Variants in MTA3 observed in about 807,000 individuals in gnomAD.
The protein encoded by MTA3 is metastasis associated 1 family member 3.
MTA3 carries 34 observed loss-of-function variants against 83.5 expected under a neutral mutation model. That is an observed-to-expected ratio of 0.41 (90% CI 0.31 to 0.54). The LOEUF is 0.54. Ranked by LOEUF, MTA3 falls within the 20% of genes least tolerant of loss-of-function variation. MTA3 has a pLI of 0.33. For missense variants in MTA3, 761 were observed against 726.4 expected (o/e 1.05, Z -0.55); for synonymous variants, 303 against 252.7 (o/e 1.20, Z -1.89).
chr2:42,631,232 C>G lies in MTA3; in HGVS notation c.318-8941C>G, dbSNP rs544184735. Among the ~76,000 whole-genome samples the G allele has an allele frequency of 2.6e-5, 4 of 152,248 alleles. No individual in the cohort carries two copies. The South Asian group carries it at 6.2e-4, about 24-fold the overall frequency. ...GAGAAAGTTAGTTAGTATGCTTAGC[C>G]TCTTAAGATTGCTAGTAGGAGGAAA... On this transcript the variant is annotated intron_variant, in intron 4 of 16. Coordinates refer to ENST00000405094, the MANE Select transcript of MTA3 (RefSeq NM_001330442.2).
In MTA3 at chr2:42,538,718, A is replaced by G. The variant is rs375559457; in HGVS notation, c.-140-31719A>G. Among the ~76,000 whole-genome samples the G allele has an allele frequency of 3.3e-5, 5 of 150,230 alleles. No individual in the cohort carries two copies. The East Asian group carries it at 5.8e-4, about 17-fold the overall frequency. ...ATATGATGACTCTTTCTAAAAAAAA[A>G]AAAAAAAAGAAAAAGAAAAGAAAAG... On this transcript the variant is annotated intron_variant, in intron 2 of 17. Coordinates refer to the MTA3 transcript ENST00000405592.
chr2:42,578,184 C>T (rs1292685866), intron 2 of MTA3, among the ~76,000 whole-genome samples: 2 of 152,130 alleles, frequency 1.3e-5, no homozygotes, highest in African/African-American at 4.8e-5. Flanking sequence ...AATTTGTTCT[C>T]ACACTTGTTT....
intron 2 of MTA3, among the ~76,000 whole-genome samples, chr2:42,522,629 C>T (rs529415680): frequency 2.2e-4 from 34 of 151,964 alleles, no homozygotes; most frequent in African/African-American, 7.5e-4. Context: ...GACCCCATCT[C>T]TACACAAAAA....
chr2:42,690,185 A>G (rs971128570), intron 9 of MTA3, among the ~76,000 whole-genome samples: 2 of 152,216 alleles, frequency 1.3e-5, no homozygotes, highest in Non-Finnish European at 2.9e-5. Context: ...AAACAAACAA[A>G]AAGATTGAAG....
At chr2:42,630,202 C>G (rs1259546140) in intron 4 of MTA3, among the ~76,000 whole-genome samples, 2 of 152,208 alleles carry the variant, frequency 1.3e-5, no homozygotes, top group Admixed American at 6.5e-5. Flanking sequence ...TCGTCAGTAT[C>G]TTGTGCTACA....
At chr2:42,664,291 T>G (rs1690013374) in intron 8 of MTA3, among the ~76,000 whole-genome samples, 1 of 152,100 alleles carries the variant, frequency 6.6e-6, no homozygotes, top group Admixed American at 6.6e-5. Context: ...TAAAAATTAA[T>G]TATTAGTATG....
intron 8 of MTA3, among the ~76,000 whole-genome samples, chr2:42,663,122 C>T (rs972674497): frequency 6.6e-6 from 1 of 152,262 alleles, no homozygotes; most frequent in East Asian, 1.9e-4. Flanking sequence ...TTTATGTAAC[C>T]AGTCCCTTGT....
chr2:42,639,264 TG>T (rs1225730564), intron 4 of MTA3, among the ~76,000 whole-genome samples: 1 of 152,102 alleles, frequency 6.6e-6, no homozygotes, highest in Non-Finnish European at 1.5e-5. Flanking sequence ...GTGATATATT[TG>T]TTTTTGCATG....
At position 42,549,890 on chromosome 2, in the gene MTA3, C is replaced by T. The variant is rs565924694; in HGVS notation, c.-140-20547C>T. Reference sequence around the variant, plus strand: ...GTCCCACCTGGCACATGCATCCTCCCTTCCTCCAGTGTATCCAGGCTGTAC... The same window carrying T: ...GTCCCACCTGGCACATGCATCCTCCTTTCCTCCAGTGTATCCAGGCTGTAC... On this transcript the variant is annotated intron_variant, in intron 2 of 17. Transcript: ENST00000405592. Among the ~76,000 whole-genome samples the T allele has an allele frequency of 1.3e-4, 20 of 151,330 alleles. No individual in the cohort carries two copies. In the South Asian group the frequency reaches 4.1e-3, roughly 31 times the overall value.
chr2:42,701,225 C>G (rs1693832572), intron 11 of MTA3, among the ~76,000 whole-genome samples: 2 of 143,726 alleles, frequency 1.4e-5, no homozygotes, highest in African/African-American at 5.3e-5. Context: ...TCACCTGAGC[C>G]TGAGAGGTTG....
intron 16 of MTA3, among the ~76,000 whole-genome samples, chr2:42,724,574 G>A (rs960350307): frequency 2.7e-5 from 4 of 150,024 alleles, no homozygotes; most frequent in Admixed American, 1.3e-4. Flanking sequence ...AGCCCAGGAG[G>A]TCGAGGCTGC....
chr2:42,540,469 G>A lies in MTA3; in HGVS notation c.-140-29968G>A, dbSNP rs547894064. Among the ~76,000 whole-genome samples, 5 of 152,054 alleles carry A rather than the reference G, an allele frequency of 3.3e-5. No individual in the cohort carries two copies. The South Asian group carries it at 1.0e-3, about 32-fold the overall frequency. ...GATTAGACATAAGCCACAATACCCA[G>A]GCTGTAAATACCCTTGACAGGGGAA... is the stretch of plus-strand genomic sequence containing the variant. On this transcript the variant is annotated intron_variant, in intron 2 of 17. Transcript: ENST00000405592.
chr2:42,755,805 A>C lies in MTA3; in HGVS notation c.*2406A>C. ...TGAGCACATGGGTGGACGTGCAGAG[A>C]CTGTCTGCGCAGCCCCCAGCAGACA... On this transcript the variant is annotated 3_prime_UTR_variant, in exon 17 of 17. Coordinates refer to ENST00000405094, the MANE Select transcript of MTA3 (RefSeq NM_001330442.2). The C allele has an allele frequency of 1.0e-6, 1 of 985,444 alleles. No individual in the cohort carries two copies. The highest frequency in any genetic ancestry group is 1.2e-6 in the Non-Finnish European group (1 of 829,962). 61.0% of individuals were successfully genotyped at this position (985,444 alleles called of 1,614,324 possible).
chr2:42,643,035 C>G (rs1687836192), intron 5 of MTA3, among the ~76,000 whole-genome samples: 2 of 4,426 alleles, frequency 4.5e-4, no homozygotes. Context: ...ATTGGTGTCT[C>G]CCCCCCCCCC....
At chr2:42,581,524 C>T (rs1679639157) in intron 3 of MTA3, among the ~76,000 whole-genome samples, 1 of 151,466 alleles carries the variant, frequency 6.6e-6, no homozygotes, top group African/African-American at 2.4e-5. Context: ...AGGCGCATCT[C>T]ACCGTGCCTA....
rs70963347 is a variant in MTA3 at position 42,695,634 on chromosome 2, C to CAAAA, written c.892-107_892-104dup. 5.6e-3 allele frequency: 729 copies of CAAAA among 130,700 alleles called. 32 individuals carry two copies. The highest frequency in any genetic ancestry group is 0.011 in the South Asian group (147 of 13,550). 8.1% of individuals were successfully genotyped at this position (130,700 alleles called of 1,614,324 possible). On this transcript the variant is annotated intron_variant, in intron 9 of 16. Coordinates refer to ENST00000405094, the MANE Select transcript of MTA3 (RefSeq NM_001330442.2). ...TGGGCAACAAAGTGACAGTCTATCTCAAAAAAAAAAAAAAAAAAAAAAAAA... is the reference window on the plus strand; with the variant it reads ...TGGGCAACAAAGTGACAGTCTATCTCAAAAAAAAAAAAAAAAAAAAAAAAAAAAA...
chr2:42,714,524 A>C (rs376371573), intron 14 of MTA3, among the ~76,000 whole-genome samples: 1 of 152,134 alleles, frequency 6.6e-6, no homozygotes, highest in Non-Finnish European at 1.5e-5. Flanking sequence ...TTCTGTGTGT[A>C]TATTGCAGGG....
chr2:42,712,182 T>C (rs1666674811), intron 14 of MTA3, among the ~76,000 whole-genome samples: 1 of 152,182 alleles, frequency 6.6e-6, no homozygotes, highest in African/African-American at 2.4e-5. Context: ...AAAAAGGTCT[T>C]TGCAGATTCA....
intron 2 of MTA3, among the ~76,000 whole-genome samples, chr2:42,537,559 C>T (rs1676301458): frequency 6.6e-6 from 1 of 150,618 alleles, no homozygotes; most frequent in Non-Finnish European, 1.5e-5. Flanking sequence ...GAGTGAAACT[C>T]CATCTCAAAA....
Sources: gnomAD v4.1 joint callset for allele counts (sites outside exome capture counted in the v4.1 genomes callset) on GRCh38, gnomAD v4.1.1 for gene constraint, MANE v1.5 for transcripts, NCBI Gene and HGNC (gene_info 2026-07-23, HGNC 2026-07-21) for gene names.